DNAJC15: variants seen among roughly 807,000 people sequenced by gnomAD.
The protein encoded by DNAJC15 is dnaJ homolog subfamily C member 15.
In DNAJC15, 27 loss-of-function variants were observed where a neutral mutation model predicts 22.4. That is an observed-to-expected ratio of 1.20 (90% CI 0.89 to 1.66). The LOEUF (loss-of-function observed/expected upper bound fraction) is 1.66, where lower values mean the gene tolerates loss of function less well. Ranked by LOEUF, DNAJC15 falls within the 40% of genes most tolerant of loss-of-function variation. DNAJC15 has a pLI of 0.00. For synonymous variants in DNAJC15, 79 were observed against 63.2 expected (o/e 1.25, Z -1.19); for missense variants, 208 against 187.1 (o/e 1.11, Z -0.65).
chr13:43,102,194 T>A (rs2040772595), intron 5 of DNAJC15, among the ~76,000 whole-genome samples: 1 of 152,140 alleles, frequency 6.6e-6, no homozygotes. Context: ...ATATTGAGCA[T>A]TTTTTTAATG....
intron 5 of DNAJC15, among the ~76,000 whole-genome samples, chr13:43,104,693 CTT>C (rs67240740): frequency 2.1e-4 from 28 of 136,574 alleles, no homozygotes; most frequent in Middle Eastern, 3.8e-3. Flanking sequence ...CTTTTCTTTT[CTT>C]TTTTTTTTTT....
chr13:43,027,490 C>G (rs1371449767), intron 1 of DNAJC15, among the ~76,000 whole-genome samples: 2 of 152,102 alleles, frequency 1.3e-5, no homozygotes, highest in South Asian at 2.1e-4. Context: ...AATCCTGATA[C>G]GTGAAAACTA....
In DNAJC15 at chr13:43,070,827, T is replaced by G. The variant is rs571513306; in HGVS notation, c.234+1824T>G. 3.1e-3 allele frequency among the ~76,000 whole-genome samples: 465 copies of G among 151,910 alleles called. 3 individuals are homozygous for G. Among genetic ancestry groups the G allele is most frequent in the African/African-American group, 0.011 (438 of 41,384 alleles). On this transcript the variant is annotated intron_variant, in intron 3 of 5. Transcript: ENST00000379221. ...GAAAGCCCTTGGAAGGGTTTGAGCA[T>G]GGAGGCAATGTGATTTGTATTTTAA...
intron 1 of DNAJC15, among the ~76,000 whole-genome samples, chr13:43,051,633 T>TGG (rs1593314918): frequency 7.6e-6 from 1 of 131,030 alleles, no homozygotes; most frequent in East Asian, 3.5e-4. Context: ...TAGTACTTCA[T>TGG]GGTGTGTGTG....
chr13:43,031,086 A>AG (rs2040402424), intron 1 of DNAJC15, among the ~76,000 whole-genome samples: 1 of 152,196 alleles, frequency 6.6e-6, no homozygotes, highest in Non-Finnish European at 1.5e-5. Context: ...CAAATGAGTG[A>AG]GGGGATGACT....
intron 1 of DNAJC15, among the ~76,000 whole-genome samples, chr13:43,026,957 A>G (rs2040383379): frequency 6.6e-6 from 1 of 152,254 alleles, no homozygotes; most frequent in South Asian, 2.1e-4. Flanking sequence ...TTTGAAACTA[A>G]GAACTAATGT....
chr13:43,096,125 G>C (rs919619269), intron 5 of DNAJC15, among the ~76,000 whole-genome samples: 2 of 152,018 alleles, frequency 1.3e-5, no homozygotes, highest in African/African-American at 4.8e-5. Context: ...ATTAAATTTT[G>C]GGGGAAATAA....
intron 1 of DNAJC15, among the ~76,000 whole-genome samples, chr13:43,048,956 GA>G (rs1202038928): frequency 1.3e-4 from 19 of 150,852 alleles, no homozygotes; most frequent in African/African-American, 4.6e-4. Flanking sequence ...GCAGCCTTGT[GA>G]ATTTTTTTTT....
chr13:43,051,311 A>G (rs1210013819), intron 1 of DNAJC15, among the ~76,000 whole-genome samples: 2 of 152,072 alleles, frequency 1.3e-5, no homozygotes, highest in Non-Finnish European at 1.5e-5. Flanking sequence ...TTTTGGGGGA[A>G]CAGGTGGTGT....
chr13:43,036,684 A>G (rs934677378), intron 1 of DNAJC15, among the ~76,000 whole-genome samples: 14 of 152,024 alleles, frequency 9.2e-5, no homozygotes, highest in African/African-American at 3.4e-4. Context: ...CCTCCACAGC[A>G]CCCTGGCTCT....
chr13:43,089,964 G>A (rs778054827), intron 5 of DNAJC15, among the ~76,000 whole-genome samples: 2 of 152,158 alleles, frequency 1.3e-5, no homozygotes, highest in Non-Finnish European at 2.9e-5. Context: ...ATTAGTCAAG[G>A]CAGTGACACC....
At chr13:43,063,290 G>A (rs1247262453) in intron 1 of DNAJC15, among the ~76,000 whole-genome samples, 1 of 152,244 alleles carries the variant, frequency 6.6e-6, no homozygotes, top group African/African-American at 2.4e-5. Context: ...GATTACAGGC[G>A]TGAGCCACCG....
At chr13:43,037,211 G>A (rs922450660) in intron 1 of DNAJC15, among the ~76,000 whole-genome samples, 2 of 152,240 alleles carry the variant, frequency 1.3e-5, no homozygotes, top group African/African-American at 4.8e-5. Flanking sequence ...AGTAAAAGTA[G>A]CTTTCATTAA....
chr13:43,058,388 GGTGGAAGGCGGCA>G (rs2040541529), intron 1 of DNAJC15, among the ~76,000 whole-genome samples: 1 of 152,126 alleles, frequency 6.6e-6, no homozygotes, highest in Non-Finnish European at 1.5e-5. Flanking sequence ...TGGTGTGGGT[GGTGGAAGGCGGCA>G]GTGTGTAGAG....
Position 43,085,750 on chromosome 13 carries a change from T to C in DNAJC15, c.312-18T>C, listed in dbSNP as rs764267263. 5.6e-6 allele frequency: 9 copies of C among 1,606,022 alleles called. No individual in the cohort carries two copies. The highest frequency in any genetic ancestry group is 7.7e-6 in the Non-Finnish European group (9 of 1,176,002). On this transcript the variant is annotated intron_variant, in intron 4 of 5. Transcript: ENST00000379221. ...ATTTGATGCTATTTATTATAAGCAC[T>C]GTAATTTCTTTTTACAGCCCATCTG...
intron 4 of DNAJC15, among the ~76,000 whole-genome samples, chr13:43,082,731 G>A (rs765322808): frequency 3.3e-5 from 5 of 152,058 alleles, no homozygotes; most frequent in East Asian, 3.9e-4. Context: ...AAATTTTGAC[G>A]GAGTAATTTT....
intron 4 of DNAJC15, among the ~76,000 whole-genome samples, chr13:43,082,452 A>G (rs1287949676): frequency 1.3e-5 from 2 of 152,216 alleles, no homozygotes; most frequent in Non-Finnish European, 2.9e-5. Flanking sequence ...AAGGTCCAAG[A>G]GACTTAATAT....
chr13:43,051,483 C>T (rs1237918223), intron 1 of DNAJC15, among the ~76,000 whole-genome samples: 2 of 152,110 alleles, frequency 1.3e-5, no homozygotes, highest in Non-Finnish European at 2.9e-5. Context: ...GCCTTGCATC[C>T]TCATACCTTA....
chr13:43,086,883 C>T (rs1485169179), intron 5 of DNAJC15, among the ~76,000 whole-genome samples: 1 of 151,980 alleles, frequency 6.6e-6, no homozygotes, highest in Non-Finnish European at 1.5e-5. Context: ...CTATAGTGGG[C>T]TTACTAACAT....
Sources: gnomAD v4.1 joint callset for allele counts (sites outside exome capture counted in the v4.1 genomes callset) on GRCh38, gnomAD v4.1.1 for gene constraint, MANE v1.5 for transcripts, NCBI Gene and HGNC (gene_info 2026-07-23, HGNC 2026-07-21) for gene names.